Variants in LYRM4 observed in about 807,000 individuals in gnomAD.
LYRM4 encodes the protein LYR motif-containing protein 4.
In LYRM4, 9 loss-of-function variants were observed where a neutral mutation model predicts 11.7. The ratio of observed to expected loss-of-function variants is 0.77; its 90% CI spans 0.46 to 1.34. The LOEUF (loss-of-function observed/expected upper bound fraction) is 1.34, where lower values mean the gene tolerates loss of function less well. LYRM4 is among the 40% of genes most tolerant of loss of function. The pLI, the probability that LYRM4 is intolerant of heterozygous loss-of-function variation, is 0.00. For synonymous variants in LYRM4, 42 were observed against 40.4 expected (o/e 1.04, Z -0.15); for missense variants, 133 against 112.5 (o/e 1.18, Z -0.82).
chr6:5,087,658 A>G, the LYRM4 span: 1 of 152,364 alleles, frequency 6.6e-6, no homozygotes, highest in Non-Finnish European at 1.5e-5. Context: ...TCTCAGAGCC[A>G]CAGTGGGGAG....
At chr6:5,148,872 T>C (rs972032593) in intron 2 of LYRM4, among the ~76,000 whole-genome samples, 2 of 152,230 alleles carry the variant, frequency 1.3e-5, no homozygotes, top group Non-Finnish European at 2.9e-5. Context: ...CTTCCAAGTA[T>C]AAAATTAAAC....
At chr6:5,066,761 G>C in the LYRM4 span, 1 of 744,610 alleles carries the variant, frequency 1.3e-6, no homozygotes. Flanking sequence ...GATTGGTTAC[G>C]TAACGCTTAA....
Position 5,181,434 on chromosome 6 carries a change from C to T in LYRM4, c.207+35184G>A, listed in dbSNP as rs142658781. Among the ~76,000 whole-genome samples the T allele has an allele frequency of 3.7e-4, 57 of 152,332 alleles. 1 individual carries two copies. Among genetic ancestry groups the T allele is most frequent in the African/African-American group, 1.4e-3 (57 of 41,572 alleles). On this transcript the variant is annotated intron_variant, in intron 2 of 2. Coordinates refer to ENST00000330636, the MANE Select transcript of LYRM4 (RefSeq NM_020408.6). ...ATTGGCTTTTTCCTCCCCGTCAACACACACAATACAATCTTTACATCCTTA... is the reference window on the plus strand; with the variant it reads ...ATTGGCTTTTTCCTCCCCGTCAACATACACAATACAATCTTTACATCCTTA...
chr6:5,131,536 A>G (rs900257389), intron 2 of LYRM4, among the ~76,000 whole-genome samples: 34 of 152,220 alleles, frequency 2.2e-4, no homozygotes, highest in African/African-American at 7.5e-4. Flanking sequence ...CTCATCTCTT[A>G]AAAGAGAAAA....
chr6:5,072,445 A>C, the LYRM4 span, among the ~76,000 whole-genome samples: 1 of 152,148 alleles, frequency 6.6e-6, no homozygotes, highest in Non-Finnish European at 1.5e-5. Flanking sequence ...TCCCACCAAC[A>C]GTGTAAAAGC....
At chr6:5,044,517 C>T in the LYRM4 span, among the ~76,000 whole-genome samples, 1 of 152,232 alleles carries the variant, frequency 6.6e-6, no homozygotes, top group Non-Finnish European at 1.5e-5. Flanking sequence ...CAGGGCTCAC[C>T]TGCTTTACTT....
rs955433679 is a variant in LYRM4 at position 5,260,931 on chromosome 6, G to A, written c.-198C>T. 4 of 1,353,344 alleles carry A rather than the reference G, an allele frequency of 3.0e-6. No homozygotes were observed. Among genetic ancestry groups the A allele is most frequent in the South Asian group, 1.7e-5 (1 of 60,126 alleles). The allele number at this position is 1,353,344 out of a possible 1,614,324, so 83.8% of individuals were successfully genotyped here. A position where few individuals can be genotyped will look rare whatever the true frequency, so the allele number is the denominator to read the frequency against. On this transcript the variant is annotated 5_prime_UTR_variant, in exon 1 of 3. Coordinates refer to ENST00000330636, the MANE Select transcript of LYRM4 (RefSeq NM_020408.6). ...GCCAGGCGTCCCGCGCCGCTTCGGG[G>A]GCGGGCGCAGGCAGGGCTCGGGGCA...
intron 2 of LYRM4, among the ~76,000 whole-genome samples, chr6:5,118,095 T>TATATATTTTTTTTTTTTTTTTTG (rs34304149): frequency 1.0e-5 from 1 of 96,882 alleles, no homozygotes; most frequent in African/African-American, 4.0e-5. Flanking sequence ...TATATATATA[T>TATATATTTTTTTTTTTTTTTTTG]TTTTGTTTTG....
At chr6:5,040,348 G>C in the LYRM4 span, among the ~76,000 whole-genome samples, 75 of 138,132 alleles carry the variant, frequency 5.4e-4, 2 homozygotes, top group African/African-American at 1.5e-3. Context: ...TAGATAGATA[G>C]ATAGATACAT....
downstream of LYRM4, chr6:5,102,818 T>C (rs1355323143): frequency 6.6e-6 from 1 of 152,166 alleles, no homozygotes; most frequent in African/African-American, 2.4e-5. Context: ...TTGGTGTCAG[T>C]CATTCTTGTC....
At chr6:5,084,544 G>A in the LYRM4 span, 1 of 152,074 alleles carries the variant, frequency 6.6e-6, no homozygotes, top group Non-Finnish European at 1.5e-5. Flanking sequence ...GCGGGACAGG[G>A]GGAGGGGCGG....
At chr6:5,125,424 T>C (rs1357407339) in intron 2 of LYRM4, among the ~76,000 whole-genome samples, 4 of 152,190 alleles carry the variant, frequency 2.6e-5, no homozygotes, top group Non-Finnish European at 5.9e-5. Flanking sequence ...AACACCCCCA[T>C]TCACCTGTCA....
intron 1 of LYRM4, among the ~76,000 whole-genome samples, chr6:5,236,888 T>C (rs1370552131): frequency 6.6e-6 from 1 of 151,082 alleles, no homozygotes; most frequent in Admixed American, 6.6e-5. Flanking sequence ...GCCCAGGAGG[T>C]CGAGGTTGCA....
rs779823008 is a variant in LYRM4, at chr6:5,176,859, A to G, written c.207+39759T>C. ...ATCTACAATGGCATGAGGCAGAAGT[A>G]TAAGTTCTGAAAGCTCCTGTACATT... On this transcript the variant is annotated intron_variant, in intron 2 of 2. Coordinates refer to ENST00000330636, the MANE Select transcript of LYRM4 (RefSeq NM_020408.6). Among the ~76,000 whole-genome samples the G allele has an allele frequency of 1.1e-4, 17 of 152,366 alleles. No individual in the cohort carries two copies. The East Asian group carries it at 1.2e-3, about 10-fold the overall frequency.
chr6:5,058,639 C>T, the LYRM4 span, among the ~76,000 whole-genome samples: 2 of 152,218 alleles, frequency 1.3e-5, no homozygotes, highest in Non-Finnish European at 2.9e-5. Flanking sequence ...ACCCCCTCCT[C>T]AGAGGACTCT....
At chr6:5,122,495 C>T (rs736004) in intron 2 of LYRM4, among the ~76,000 whole-genome samples, 8,810 of 152,196 alleles carry the variant, frequency 0.058, 352 homozygotes, top group Middle Eastern at 0.11. Flanking sequence ...GTAAAATGTG[C>T]TGATTGCTGG....
downstream of LYRM4, chr6:5,105,515 A>C (rs35400671): frequency 0.18 from 27,754 of 152,416 alleles, 2,763 homozygotes; most frequent in African/African-American, 0.24. Flanking sequence ...GTGACCTTTT[A>C]AAAAATACAA....
chr6:5,174,054 C>T (rs1024996814), intron 2 of LYRM4, among the ~76,000 whole-genome samples: 10 of 152,340 alleles, frequency 6.6e-5, no homozygotes, highest in Admixed American at 1.3e-4. Flanking sequence ...GTGAGAACTG[C>T]AACCCAGTGT....
At chr6:5,057,229 GCCACA>G in the LYRM4 span, among the ~76,000 whole-genome samples, 1 of 152,104 alleles carries the variant, frequency 6.6e-6, no homozygotes, top group African/African-American at 2.4e-5. Flanking sequence ...GGGCCCACGA[GCCACA>G]CCCTGAGGTC....
Sources: allele counts gnomAD v4.1 joint callset (sites outside exome capture counted in the v4.1 genomes callset), GRCh38; gene constraint gnomAD v4.1.1; transcripts MANE v1.5; gene names NCBI Gene and HGNC (gene_info 2026-07-23, HGNC 2026-07-21).